Variants in ZNF691 observed in about 807,000 individuals in gnomAD.
The protein encoded by ZNF691 is zinc finger protein 691.
ZNF691 carries 11 observed loss-of-function variants against 24.1 expected under a neutral mutation model. The ratio of observed to expected loss-of-function variants is 0.46; its 90% CI spans 0.29 to 0.75. The LOEUF is 0.75. ZNF691 is among the 30% of genes least tolerant of loss of function. The probability of loss-of-function intolerance (pLI) is 0.11; values close to 1 mark genes in which losing one functional copy is unlikely to be tolerated. For synonymous variants in ZNF691, 149 were observed against 153.9 expected (o/e 0.97, Z 0.23); for missense variants, 356 against 409.0 (o/e 0.87, Z 1.12).
rs779294354 is a variant in ZNF691, at chr1:42,851,862, T to A, written c.*49T>A. 6.2e-7 allele frequency: 1 copy of A among 1,610,498 alleles called. No individual in the cohort carries two copies. The highest frequency in any genetic ancestry group is 8.5e-7 in the Non-Finnish European group (1 of 1,178,216). On this transcript the variant is annotated 3_prime_UTR_variant, in exon 4 of 4. Transcript: ENST00000651192. This position sits in a 1 kb window ranked among gnomAD's most constrained non-coding sequence, Gnocchi z 4.7. ...GGAGAGAGAGTGAGAGACCCTAACC[T>A]ATTGGAGGAAGATCTTCAGCATCTT...
chr1:42,849,984 C>A (rs991037474), intron 3 of ZNF691, among the ~76,000 whole-genome samples: 20 of 151,534 alleles, frequency 1.3e-4, no homozygotes, highest in African/African-American at 4.6e-4. Flanking sequence ...TGTGTATAGA[C>A]ATGTATGTAG....
chr1:42,850,522 A>G (rs1655354014), intron 3 of ZNF691: 6 of 1,450,366 alleles, frequency 4.1e-6, no homozygotes, highest in Admixed American at 2.8e-5. Flanking sequence ...AGATACTTGT[A>G]AGGAAGGTTT....
In ZNF691 at chr1:42,851,188, A is replaced by C; in HGVS notation, c.323A>C (p.His108Pro). ...GGGGACCCCATTGCTCATCCAAGGC[A>C]TGAGGCAGATGAGAAGCCCTTTATA... ...ELGDPIAHPR[H>P]EADEKPFICA... The change falls in exon 4 of 4, where the codon CAT becomes CCT. Residue 108 changes from histidine to proline, a missense_variant. Transcript: ENST00000651192. This position sits in a 1 kb window ranked among gnomAD's most constrained non-coding sequence, Gnocchi z 4.7. The C allele has an allele frequency of 6.2e-7, 1 of 1,614,242 alleles. No homozygotes were observed. The highest frequency in any genetic ancestry group is 8.5e-7 in the Non-Finnish European group (1 of 1,180,036).
At chr1:42,848,038 T>A (rs1393573721) in intron 1 of ZNF691, among the ~76,000 whole-genome samples, 1 of 152,198 alleles carries the variant, frequency 6.6e-6, no homozygotes, top group African/African-American at 2.4e-5. Flanking sequence ...CCTTCTGCAT[T>A]GTATGACAAT....
intron 1 of ZNF691, 69 bp from the exon 2 acceptor site, chr1:42,849,222 C>G (rs1268568073): frequency 8.4e-6 from 3 of 359,028 alleles, no homozygotes; most frequent in Non-Finnish European, 1.1e-5. Flanking sequence ...CAGTTTTATG[C>G]TATTTTTAAG....
intron 3 of ZNF691, chr1:42,850,295 G>A (rs7520697): frequency 0.22 from 101,901 of 459,510 alleles, 11,773 homozygotes; most frequent in South Asian, 0.35. Flanking sequence ...GTAGTGGAGG[G>A]CACTGACTGA....
rs929677969 is a variant in ZNF691, at chr1:42,851,428, C to T, written c.563C>T (p.Thr188Met). 17 of 1,614,080 alleles carry T rather than the reference C, an allele frequency of 1.1e-5. No homozygotes were observed. The highest frequency in any genetic ancestry group is 3.3e-5 in the Admixed American group (2 of 60,014). The part of the protein sequence containing the change: ...ESFRRRSDLT[T>M]HQQDHLGKRP... ...TTTCGGCGGCGCTCAGACCTCACCA[C>T]GCACCAGCAAGATCACCTAGGCAAG... Residue 188 changes from threonine to methionine, a missense_variant, in exon 4 of 4, where the codon ACG becomes ATG. Thr to Met is a moderately conservative substitution (Grantham distance 81). Transcript: ENST00000651192. This position sits in a 1 kb window ranked among gnomAD's most constrained non-coding sequence, Gnocchi z 4.7.
intron 3 of ZNF691, 106 bp downstream of exon 3, chr1:42,849,848 T>G (rs1655332645): frequency 2.1e-6 from 2 of 962,096 alleles, no homozygotes; most frequent in South Asian, 1.4e-5. Flanking sequence ...GGACCTGTAC[T>G]GGGCACTCTT....
intron 3 of ZNF691, 118 bp downstream of exon 3, chr1:42,849,860 T>C (rs56653907): frequency 0.22 from 192,943 of 862,874 alleles, 23,210 homozygotes; most frequent in South Asian, 0.36. Flanking sequence ...GGCACTCTTA[T>C]GTGTTTAGTT....
Position 42,851,753 on chromosome 1 carries a change from G to A in ZNF691, c.888G>A (p.Ser296=), listed in dbSNP as rs141257756. 1.1e-5 allele frequency: 18 copies of A among 1,614,082 alleles called. 1 individual carries two copies. The highest frequency in any genetic ancestry group is 6.7e-5 in the African/African-American group (5 of 74,936). Reference sequence around the variant, plus strand: ...GTGGGAAACACTTCTCCCGGAGCTCGAATCTCATCCGCCACCAGAAAACTC... The same window carrying A: ...GTGGGAAACACTTCTCCCGGAGCTCAAATCTCATCCGCCACCAGAAAACTC... ...TVCGKHFSRS[S]NLIRHQKTHL... The change falls in exon 4 of 4, where the codon TCG becomes TCA. Residue 296 remains serine, a synonymous_variant. Coordinates refer to ENST00000651192, the MANE Select transcript of ZNF691 (RefSeq NM_001242739.2). The surrounding 1 kb of genome is among the most constrained non-coding windows in gnomAD (Gnocchi z 4.7).
In ZNF691 at chr1:42,849,326, A is replaced by G; in HGVS notation, c.-182A>G. On this transcript the variant is annotated 5_prime_UTR_variant, in exon 2 of 4. Transcript: ENST00000651192. ...TAGTGTCTTCAACAGTTGTAACAGC[A>G]GCTGCCATTTGCTGAATGACAGCAT... The G allele has an allele frequency of 2.0e-6, 1 of 504,628 alleles. No individual in the cohort carries two copies. Among genetic ancestry groups the G allele is most frequent in the Non-Finnish European group, 3.9e-6 (1 of 259,098 alleles). 31.3% of individuals were successfully genotyped at this position (504,628 alleles called of 1,614,324 possible).
At chr1:42,847,673 G>T (rs1004546731) in intron 1 of ZNF691, among the ~76,000 whole-genome samples, 2 of 152,166 alleles carry the variant, frequency 1.3e-5, no homozygotes, top group Admixed American at 1.3e-4. Flanking sequence ...AACTTCAGTG[G>T]TACTGTTTTT....
chr1:42,850,977 C>G lies in ZNF691; in HGVS notation c.112C>G (p.Gln38Glu). The change falls in exon 4 of 4, where the codon CAG (glutamine) becomes GAG (glutamate). Residue 38 changes from glutamine to glutamate, a missense_variant. Physicochemically the swap from Gln to Glu is conservative, Grantham distance 29. Transcript: ENST00000651192. ...TTCAGAGATGGGCAGTGAGAAGGAG[C>G]AGAGTCCAGAACCACACCTGCCTGA... ...EGSEMGSEKE[Q>E]SPEPHLPEEG... 6.5e-7 allele frequency: 1 copy of G among 1,536,800 alleles called. No individual in the cohort carries two copies. The highest frequency in any genetic ancestry group is 8.7e-7 in the Non-Finnish European group (1 of 1,146,370).
Position 42,851,818 on chromosome 1 carries a change from G to A in ZNF691, c.*5G>A. 2 of 1,614,086 alleles carry A rather than the reference G, an allele frequency of 1.2e-6. No homozygotes were observed. The highest frequency in any genetic ancestry group is 1.7e-6 in the Non-Finnish European group (2 of 1,179,918). ...GCTGGGAAAGATTCCAGCTGAAGGA[G>A]AGCCCCATTTAGAGTGAGGGAGAGA... On this transcript the variant is annotated 3_prime_UTR_variant, in exon 4 of 4. Coordinates refer to ENST00000651192, the MANE Select transcript of ZNF691 (RefSeq NM_001242739.2). This position sits in a 1 kb window ranked among gnomAD's most constrained non-coding sequence, Gnocchi z 4.7.
intron 3 of ZNF691, among the ~76,000 whole-genome samples, chr1:42,849,950 G>C (rs1304259095): frequency 6.6e-6 from 1 of 152,094 alleles, no homozygotes; most frequent in African/African-American, 2.4e-5. Context: ...GTGAGTGTGT[G>C]TCTGTGTGTG....
intron 1 of ZNF691, among the ~76,000 whole-genome samples, chr1:42,848,751 T>A (rs917354447): frequency 1.3e-5 from 2 of 151,946 alleles, no homozygotes; most frequent in African/African-American, 4.8e-5. Context: ...ATAATAGACA[T>A]AAAGAGAATG....
At position 42,852,044 on chromosome 1, in the gene ZNF691, C is replaced by A; in HGVS notation, c.*231C>A. 2 of 708,608 alleles carry A rather than the reference C, an allele frequency of 2.8e-6. No individual in the cohort carries two copies. The highest frequency in any genetic ancestry group is 2.8e-5 in the East Asian group (1 of 35,096). The allele number at this position is 708,608 out of a possible 1,614,324, so 43.9% of individuals were successfully genotyped here. A position where few individuals can be genotyped will look rare whatever the true frequency, so the allele number is the denominator to read the frequency against. On this transcript the variant is annotated 3_prime_UTR_variant, in exon 4 of 4. Transcript: ENST00000651192. ...TTTCTCGTGTTGGAAAGTCAGAAGA[C>A]CCAGTCTTGGCTTTACTTTCTTGGG...
chr1:42,848,920 T>A (rs1302735752), intron 1 of ZNF691, among the ~76,000 whole-genome samples: 1 of 152,226 alleles, frequency 6.6e-6, no homozygotes, highest in South Asian at 2.1e-4. Context: ...ATTTTTCATA[T>A]TCTTATCTAA....
intron 1 of ZNF691, among the ~76,000 whole-genome samples, chr1:42,847,218 C>A (rs1655264662): frequency 6.6e-6 from 1 of 152,196 alleles, no homozygotes; most frequent in South Asian, 2.1e-4. Context: ...CATAGCTCCT[C>A]TCTCCTCTTC....
Sources: gnomAD v4.1 joint callset for allele counts (sites outside exome capture counted in the v4.1 genomes callset) on GRCh38, gnomAD v4.1.1 for gene constraint, Gnocchi (gnomAD v3.1) non-coding constraint, MANE v1.5 for transcripts, NCBI Gene and HGNC (gene_info 2026-07-23, HGNC 2026-07-21) for gene names.